PITPNC1: variants seen among roughly 807,000 people sequenced by gnomAD.
PITPNC1 encodes the protein phosphatidylinositol transfer protein cytoplasmic 1, also known as cytoplasmic phosphatidylinositol transfer protein 1.
In PITPNC1, 18 loss-of-function variants were observed where a neutral mutation model predicts 44.7. That is an observed-to-expected ratio of 0.40 (90% CI 0.28 to 0.60). The LOEUF is 0.60. PITPNC1 is among the 20% of genes least tolerant of loss of function. PITPNC1 has a pLI of 0.39. For synonymous variants in PITPNC1, 141 were observed against 149.6 expected (o/e 0.94, Z 0.42); for missense variants, 290 against 418.4 (o/e 0.69, Z 2.68).
intron 5 of PITPNC1, among the ~76,000 whole-genome samples, chr17:67,591,718 A>T (rs1568055852): frequency 2.6e-5 from 4 of 152,002 alleles, no homozygotes; most frequent in East Asian, 1.9e-4. Flanking sequence ...TGATTTAAAA[A>T]TTTTTTTGGG....
chr17:67,471,721 C>T (rs925569145), intron 1 of PITPNC1: 1 of 155,486 alleles, frequency 6.4e-6, no homozygotes, highest in Non-Finnish European at 1.4e-5. Flanking sequence ...CTTCATCCAC[C>T]TTCCCCCAAT....
chr17:67,475,793 C>A (rs1367362111), intron 1 of PITPNC1, among the ~76,000 whole-genome samples: 1 of 152,074 alleles, frequency 6.6e-6, no homozygotes, highest in Non-Finnish European at 1.5e-5. Context: ...GCCAGGAATC[C>A]ATAGTTGAAA....
At chr17:67,471,420 A>G (rs2039529063) in intron 1 of PITPNC1, 2 of 337,752 alleles carry the variant, frequency 5.9e-6, no homozygotes, top group African/African-American at 2.3e-5. Context: ...TGCAATGAAC[A>G]TTCACATACA....
intron 6 of PITPNC1, among the ~76,000 whole-genome samples, chr17:67,649,292 C>T (rs1018769395): frequency 6.6e-6 from 1 of 152,220 alleles, no homozygotes; most frequent in African/African-American, 2.4e-5. Flanking sequence ...GCACCTGCTG[C>T]CCATCTGGAA....
At chr17:67,426,372 C>A (rs533242712) in intron 1 of PITPNC1, among the ~76,000 whole-genome samples, 1 of 152,176 alleles carries the variant, frequency 6.6e-6, no homozygotes, top group East Asian at 1.9e-4. Flanking sequence ...TGCCCATCAA[C>A]GATAGACTGG....
intron 5 of PITPNC1, among the ~76,000 whole-genome samples, chr17:67,599,014 ATATATATATATATATATATATTTT>A (rs1206290471): frequency 0.017 from 352 of 20,176 alleles, 13 homozygotes; most frequent in African/African-American, 0.035. Flanking sequence ...ATATATATAT[ATATATATATATATATATATATTTT>A]TTTTTTTTTT....
chr17:67,619,312 G>A (rs1451728399), intron 5 of PITPNC1, among the ~76,000 whole-genome samples: 1 of 152,202 alleles, frequency 6.6e-6, no homozygotes, highest in Admixed American at 6.5e-5. Flanking sequence ...CTATCTGGAA[G>A]TTTAAGTAGT....
At chr17:67,419,908 C>A (rs1254100901) in intron 1 of PITPNC1, among the ~76,000 whole-genome samples, 1 of 150,406 alleles carries the variant, frequency 6.6e-6, no homozygotes, top group Non-Finnish European at 1.5e-5. Context: ...CAGAGCAAGA[C>A]CCTGTCTCAA....
rs534353506 is a variant in PITPNC1, at chr17:67,695,189, G to C, written c.*2301G>C. The stretch of plus-strand genomic sequence containing the variant: ...AGTGTGATTCTTAGCCGAAAAAAAA[G>C]CGTGTGCTCTTAAAGTATGTTCAGT... On this transcript the variant is annotated 3_prime_UTR_variant, in exon 9 of 9. Transcript: ENST00000581322. The C allele has an allele frequency of 2.0e-5, 3 of 152,230 alleles. No individual in the cohort carries two copies. The highest frequency in any genetic ancestry group is 2.0e-4 in the Admixed American group (3 of 15,284). 9.4% of individuals were successfully genotyped at this position (152,230 alleles called of 1,614,324 possible).
chr17:67,497,223 CT>C lies in PITPNC1; in HGVS notation c.49-35565del, dbSNP rs1195584947. On this transcript the variant is annotated intron_variant, in intron 1 of 8. Transcript: ENST00000581322. ...CACAAGACATATTATTATAAACCTC[CT>C]TTTTTTTTTTTTTGAGACGGCGTCT... Among the ~76,000 whole-genome samples, 370 of 142,978 alleles carry C rather than the reference CT, an allele frequency of 2.6e-3. 1 individual carries two copies. The highest frequency in any genetic ancestry group is 4.4e-3 in the Admixed American group (63 of 14,272). The allele number at this position is 142,978 out of a possible 152,430, so 93.8% of individuals were successfully genotyped here.
chr17:67,531,380 G>A (rs1004933302), intron 1 of PITPNC1, among the ~76,000 whole-genome samples: 2 of 152,212 alleles, frequency 1.3e-5, no homozygotes, highest in South Asian at 2.1e-4. Flanking sequence ...CGTTAAAAGC[G>A]TTTTCATGTG....
rs147568656 is a variant in PITPNC1, at chr17:67,386,678, G to A, written c.48+8476G>A. On this transcript the variant is annotated intron_variant, in intron 1 of 8. Transcript: ENST00000581322. ...AGTAATTACTGGAAAAGTACATCTA[G>A]GTTCATTGCTTTAGCGGCCTGAGTG... is the stretch of plus-strand genomic sequence containing the variant. Among the ~76,000 whole-genome samples the A allele has an allele frequency of 2.6e-5, 4 of 152,294 alleles. No homozygotes were observed. In the East Asian group the frequency reaches 7.7e-4, roughly 29 times the overall value.
chr17:67,472,713 G>A (rs2039560630), intron 1 of PITPNC1, among the ~76,000 whole-genome samples: 1 of 151,730 alleles, frequency 6.6e-6, no homozygotes, highest in Non-Finnish European at 1.5e-5. Context: ...TTATGAATTT[G>A]TGTTGGGCCA....
chr17:67,570,565 A>G (rs528771339), intron 4 of PITPNC1, among the ~76,000 whole-genome samples: 25 of 152,206 alleles, frequency 1.6e-4, no homozygotes, highest in Admixed American at 5.9e-4. Context: ...GGAGTGGACC[A>G]ACATCTCTCC....
chr17:67,601,267 C>G (rs554511329), intron 5 of PITPNC1, among the ~76,000 whole-genome samples: 15 of 152,254 alleles, frequency 9.9e-5, no homozygotes, highest in Admixed American at 9.2e-4. Flanking sequence ...CAATCCTCAT[C>G]CTAATAGTGG....
chr17:67,668,936 T>G (rs2042467817), intron 6 of PITPNC1, among the ~76,000 whole-genome samples: 1 of 152,156 alleles, frequency 6.6e-6, no homozygotes, highest in Non-Finnish European at 1.5e-5. Flanking sequence ...TAAATAAATG[T>G]GCAATTCAGT....
intron 1 of PITPNC1, among the ~76,000 whole-genome samples, chr17:67,386,979 A>G (rs1178369334): frequency 6.6e-6 from 1 of 152,236 alleles, no homozygotes; most frequent in Non-Finnish European, 1.5e-5. Context: ...TACAAGGAGG[A>G]TGAGGCGCAA....
chr17:67,399,207 G>T (rs2143817253), intron 1 of PITPNC1, among the ~76,000 whole-genome samples: 1 of 152,050 alleles, frequency 6.6e-6, no homozygotes, highest in South Asian at 2.1e-4. Flanking sequence ...TAGAGACGGG[G>T]TTTCACTGTG....
At chr17:67,530,085 CTTTTTT>C (rs796278390) in intron 1 of PITPNC1, among the ~76,000 whole-genome samples, 4 of 71,226 alleles carry the variant, frequency 5.6e-5, no homozygotes, top group East Asian at 5.1e-4. Flanking sequence ...CAACCCTTGG[CTTTTTT>C]TTTTTTTTTT....
Sources: gnomAD v4.1 joint callset for allele counts (sites outside exome capture counted in the v4.1 genomes callset) on GRCh38, gnomAD v4.1.1 for gene constraint, MANE v1.5 for transcripts, NCBI Gene and HGNC (gene_info 2026-07-23, HGNC 2026-07-21) for gene names.